Variants in MCF2L2 observed in about 807,000 individuals in gnomAD.
MCF2L2 encodes probable guanine nucleotide exchange factor MCF2L2.
Under a neutral mutation model 150.2 loss-of-function variants are expected in MCF2L2, and 102 were observed. The ratio of observed to expected loss-of-function variants is 0.68; its 90% CI spans 0.58 to 0.80. MCF2L2 has a LOEUF of 0.80. Among genes scored for constraint, MCF2L2 ranks in the 30% least tolerant of loss-of-function variants. The pLI is 0.00. For missense variants in MCF2L2, 1,256 were observed against 1,372.8 expected, an observed-to-expected ratio of 0.91 and a Z score of 1.34; for synonymous variants, 465 against 491.3, an observed-to-expected ratio of 0.95 and a Z score of 0.71.
At chr3:183,182,166 C>T (rs889785794) in intron 27 of MCF2L2, among the ~76,000 whole-genome samples, 10 of 152,128 alleles carry the variant, frequency 6.6e-5, no homozygotes, top group East Asian at 5.8e-4. Flanking sequence ...TGCCTCCAGG[C>T]GAGGATTTGC....
intron 5 of MCF2L2, among the ~76,000 whole-genome samples, chr3:183,330,989 G>A (rs996602676): frequency 2.6e-5 from 4 of 151,922 alleles, no homozygotes; most frequent in African/African-American, 9.7e-5. Context: ...CCCCACCCCA[G>A]GGCTAACCAC....
At chr3:183,280,725 G>A (rs1231513739) in intron 14 of MCF2L2, among the ~76,000 whole-genome samples, 1 of 151,760 alleles carries the variant, frequency 6.6e-6, no homozygotes, top group Non-Finnish European at 1.5e-5. Flanking sequence ...GTGCGCGCCT[G>A]TACTCCCAGC....
At chr3:183,257,951 C>T (rs996942484) in intron 15 of MCF2L2, among the ~76,000 whole-genome samples, 1 of 126,362 alleles carries the variant, frequency 7.9e-6, no homozygotes. Context: ...GCTCCCTCCA[C>T]TTCACCCTTT....
chr3:183,238,121 C>A (rs1455544354), intron 15 of MCF2L2, among the ~76,000 whole-genome samples: 1 of 151,850 alleles, frequency 6.6e-6, no homozygotes, highest in Non-Finnish European at 1.5e-5. Context: ...TTACTTCCAA[C>A]TATGTGGTCA....
At chr3:183,184,387 G>A (rs1721626659) in intron 27 of MCF2L2, among the ~76,000 whole-genome samples, 1 of 152,196 alleles carries the variant, frequency 6.6e-6, no homozygotes, top group South Asian at 2.1e-4. Context: ...TCCCAGCCAA[G>A]ATCTAGTGGT....
At chr3:183,247,402 C>T (rs1724307074) in intron 15 of MCF2L2, among the ~76,000 whole-genome samples, 2 of 152,130 alleles carry the variant, frequency 1.3e-5, no homozygotes, top group African/African-American at 2.4e-5. Context: ...GGTTCAGAAG[C>T]ACATCTGCAA....
intron 2 of MCF2L2, among the ~76,000 whole-genome samples, chr3:183,389,156 T>C (rs953421652): frequency 3.3e-5 from 5 of 152,252 alleles, no homozygotes; most frequent in African/African-American, 1.2e-4. Flanking sequence ...ATTCAAGTCA[T>C]GACAACCTTT....
intron 10 of MCF2L2, among the ~76,000 whole-genome samples, chr3:183,303,594 G>A (rs773171840): frequency 2.0e-5 from 3 of 152,024 alleles, no homozygotes; most frequent in Admixed American, 1.3e-4. Context: ...AGTCATTCAC[G>A]AAGCCCCGCA....
At chr3:183,301,394 T>C (rs1288204891) in intron 10 of MCF2L2, among the ~76,000 whole-genome samples, 1 of 151,990 alleles carries the variant, frequency 6.6e-6, no homozygotes, top group Non-Finnish European at 1.5e-5. Flanking sequence ...AAAAATTAGA[T>C]GGTGGGGAGG....
chr3:183,399,053 A>C (rs1714610013), intron 1 of MCF2L2, among the ~76,000 whole-genome samples: 1 of 152,204 alleles, frequency 6.6e-6, no homozygotes, highest in Non-Finnish European at 1.5e-5. Context: ...GCAATCATAT[A>C]TATACACTTC....
intron 14 of MCF2L2, among the ~76,000 whole-genome samples, chr3:183,287,014 A>G (rs887718563): frequency 3.3e-5 from 5 of 152,156 alleles, no homozygotes; most frequent in African/African-American, 1.2e-4. Context: ...ATGGGTTTGG[A>G]GTCTGAATTA....
intron 1 of MCF2L2, among the ~76,000 whole-genome samples, chr3:183,417,591 T>A (rs1715670675): frequency 1.3e-5 from 2 of 152,238 alleles, no homozygotes; most frequent in Admixed American, 1.3e-4. Context: ...TCAGCCTGAA[T>A]AACTTCCTTT....
intron 21 of MCF2L2, among the ~76,000 whole-genome samples, chr3:183,216,310 C>T (rs1261760775): frequency 1.3e-5 from 2 of 150,820 alleles, no homozygotes; most frequent in Non-Finnish European, 2.9e-5. Context: ...TACCTCTGTG[C>T]ATTGTACTAG....
intron 20 of MCF2L2, among the ~76,000 whole-genome samples, chr3:183,220,545 T>C (rs1425760913): frequency 6.6e-6 from 1 of 152,236 alleles, no homozygotes; most frequent in Non-Finnish European, 1.5e-5. Context: ...TGTGCATTTT[T>C]CTTAAAGCTA....
chr3:183,324,071 G>A (rs1729927469), intron 5 of MCF2L2, among the ~76,000 whole-genome samples: 1 of 152,168 alleles, frequency 6.6e-6, no homozygotes, highest in Non-Finnish European at 1.5e-5. Context: ...ATCAAAGCTG[G>A]TCGGGTAAAT....
intron 1 of MCF2L2, among the ~76,000 whole-genome samples, chr3:183,425,340 G>A (rs560553505): frequency 5.9e-5 from 9 of 152,260 alleles, no homozygotes; most frequent in South Asian, 2.1e-4. Context: ...AGAGGAGGCC[G>A]AGTGAATACG....
intron 3 of MCF2L2, among the ~76,000 whole-genome samples, chr3:183,359,003 G>GTT (rs111465269): frequency 6.6e-4 from 94 of 143,400 alleles, no homozygotes; most frequent in East Asian, 2.0e-3. Flanking sequence ...AGTTCATTGG[G>GTT]TTTTTTTTTT....
chr3:183,421,669 C>T (rs992635128), intron 1 of MCF2L2, among the ~76,000 whole-genome samples: 1 of 152,136 alleles, frequency 6.6e-6, no homozygotes, highest in African/African-American at 2.4e-5. Flanking sequence ...CTGATGCCTG[C>T]TTTTTGTTTA....
chr3:183,270,581 C>T lies in MCF2L2; in HGVS notation c.1862+6291G>A, dbSNP rs148521313. 4.5e-5 allele frequency: 73 copies of T among 1,614,124 alleles called. No homozygotes were observed. The East Asian group carries it at 1.2e-3, about 26-fold the overall frequency. On this transcript the variant is annotated intron_variant, in intron 15 of 29. Transcript: ENST00000328913. This position sits in a 1 kb window ranked among gnomAD's most constrained non-coding sequence, Gnocchi z 4.5. The stretch of plus-strand genomic sequence containing the variant: ...CAGCCGGAGCTGCCTATGTAATCTC[C>T]GGTGATGTAGCTGCCAAAGTCTATG...
Sources: allele counts gnomAD v4.1 joint callset (sites outside exome capture counted in the v4.1 genomes callset), GRCh38; gene constraint gnomAD v4.1.1; non-coding constraint Gnocchi (gnomAD v3.1); transcripts MANE v1.5; gene names NCBI Gene and HGNC (gene_info 2026-07-23, HGNC 2026-07-21).